MSI2: variants seen among roughly 807,000 people sequenced by gnomAD.
The protein encoded by MSI2 is RNA-binding protein Musashi homolog 2.
A neutral mutation model predicts 45.6 loss-of-function variants in MSI2; 17 were observed. That is an observed-to-expected ratio of 0.37 (90% CI 0.26 to 0.56). The LOEUF is 0.56. Ranked by LOEUF, MSI2 falls within the 20% of genes least tolerant of loss-of-function variation. The probability of loss-of-function intolerance (pLI) is 0.77; values close to 1 mark genes in which losing one functional copy is unlikely to be tolerated. For missense variants in MSI2, 293 were observed against 444.2 expected, an observed-to-expected ratio of 0.66 and a Z score of 3.06; for synonymous variants, 156 against 158.2, an observed-to-expected ratio of 0.99 and a Z score of 0.11.
intron 6 of MSI2, among the ~76,000 whole-genome samples, chr17:57,521,840 A>T (rs1432681034): frequency 6.6e-6 from 1 of 152,102 alleles, no homozygotes; most frequent in Non-Finnish European, 1.5e-5. Flanking sequence ...ACGGCTGAAA[A>T]ATCACTGATG....
chr17:57,685,449 A>G (rs1053225247), downstream of MSI2: 56 of 152,338 alleles, frequency 3.7e-4, no homozygotes, highest in African/African-American at 1.3e-3. Context: ...GGAAAGCTGT[A>G]TTCTCCAGGA....
At chr17:57,486,286 C>A (rs190171044) in intron 6 of MSI2, among the ~76,000 whole-genome samples, 1 of 152,232 alleles carries the variant, frequency 6.6e-6, no homozygotes, top group African/African-American at 2.4e-5. Context: ...TTACAAGGGG[C>A]TCTCTCCTAG....
intron 5 of MSI2, among the ~76,000 whole-genome samples, chr17:57,269,209 G>A (rs1481887226): frequency 6.6e-6 from 1 of 152,174 alleles, no homozygotes; most frequent in Non-Finnish European, 1.5e-5. Flanking sequence ...CAAAGGGTAT[G>A]TGCTGCAGAG....
chr17:57,502,636 T>TATATATATATATATCATAG lies in MSI2; in HGVS notation c.406-27039_406-27038insTATATATATATATCATAGA. On this transcript the variant is annotated intron_variant, in intron 6 of 13. Coordinates refer to ENST00000284073, the MANE Select transcript of MSI2 (RefSeq NM_138962.4). ...ATATATATATATATATATATATATA[T>TATATATATATATATCATAG]AGTCATCATTCTGTCATGCAGGAAG... 7.6e-4 allele frequency among the ~76,000 whole-genome samples: 74 copies of TATATATATATATATCATAG among 96,928 alleles called. 3 individuals are homozygous for TATATATATATATATCATAG. The highest frequency in any genetic ancestry group is 2.5e-3 in the African/African-American group (72 of 28,714). The allele number at this position is 96,928 out of a possible 152,430, so 63.6% of individuals were successfully genotyped here.
At chr17:57,295,992 CTTTTTTTTTTT>C (rs386386327) in intron 5 of MSI2, among the ~76,000 whole-genome samples, 14 of 38,652 alleles carry the variant, frequency 3.6e-4, no homozygotes, top group African/African-American at 8.8e-4. Context: ...CGCAGCCTTC[CTTTTTTTTTTT>C]TTTTTTTTTT....
At chr17:57,347,165 C>A (rs1021797524) in intron 5 of MSI2, among the ~76,000 whole-genome samples, 3 of 152,112 alleles carry the variant, frequency 2.0e-5, no homozygotes, top group African/African-American at 7.2e-5. Flanking sequence ...TTAGTTAATA[C>A]CCTTCCTCAC....
At chr17:57,412,039 C>T (rs2084207387) in intron 6 of MSI2, among the ~76,000 whole-genome samples, 1 of 151,828 alleles carries the variant, frequency 6.6e-6, no homozygotes, top group East Asian at 1.9e-4. Context: ...TACTATGGTA[C>T]CTCTTTGAGG....
At chr17:57,600,966 T>C (rs1048609214) in intron 8 of MSI2, 7 of 152,394 alleles carry the variant, frequency 4.6e-5, no homozygotes, top group African/African-American at 1.7e-4. Context: ...GGTCAGCAAA[T>C]GGCAGCCCCA....
At chr17:57,642,034 G>A (rs1214307972) in intron 10 of MSI2, among the ~76,000 whole-genome samples, 1 of 152,216 alleles carries the variant, frequency 6.6e-6, no homozygotes, top group East Asian at 1.9e-4. Flanking sequence ...GGCCAGCACT[G>A]CAGCAAAATG....
intron 7 of MSI2, among the ~76,000 whole-genome samples, chr17:57,535,648 C>T (rs17834539): frequency 0.049 from 7,399 of 152,290 alleles, 276 homozygotes; most frequent in Non-Finnish European, 0.075. Context: ...TGAGCCCCAG[C>T]GAGCACCATC....
At chr17:57,306,620 G>C (rs1300062928) in intron 5 of MSI2, among the ~76,000 whole-genome samples, 1 of 152,230 alleles carries the variant, frequency 6.6e-6, no homozygotes, top group South Asian at 2.1e-4. Context: ...CACCCCTCCT[G>C]TTCCCAGGAA....
chr17:57,521,712 G>A (rs1025801310), intron 6 of MSI2, among the ~76,000 whole-genome samples: 11 of 152,158 alleles, frequency 7.2e-5, no homozygotes, highest in African/African-American at 2.7e-4. Context: ...ATTTAGAACG[G>A]TGGGTCTCGG....
chr17:57,398,552 C>T (rs1033691202), intron 5 of MSI2, among the ~76,000 whole-genome samples: 2 of 152,170 alleles, frequency 1.3e-5, no homozygotes, highest in Admixed American at 6.5e-5. Flanking sequence ...TTCAAAGACA[C>T]GTTTTTGTGT....
chr17:57,436,949 T>G (rs543977704), intron 6 of MSI2, among the ~76,000 whole-genome samples: 1 of 152,308 alleles, frequency 6.6e-6, no homozygotes, highest in South Asian at 2.1e-4. Context: ...TGAGAAGTAC[T>G]TGACATTGGA....
intron 10 of MSI2, among the ~76,000 whole-genome samples, chr17:57,635,641 CGG>C (rs1354156871): frequency 5.4e-4 from 82 of 152,260 alleles, no homozygotes; most frequent in Non-Finnish European, 1.1e-3. Flanking sequence ...TGTGTGCAAA[CGG>C]CAGGGGCAGC....
At chr17:57,395,141 C>G (rs1401418166) in intron 5 of MSI2, among the ~76,000 whole-genome samples, 1 of 152,178 alleles carries the variant, frequency 6.6e-6, no homozygotes, top group Non-Finnish European at 1.5e-5. Flanking sequence ...CACATGGCCA[C>G]CTTCTTTCTG....
intron 5 of MSI2, among the ~76,000 whole-genome samples, chr17:57,386,456 T>G (rs1384251857): frequency 6.6e-6 from 1 of 152,160 alleles, no homozygotes; most frequent in Non-Finnish European, 1.5e-5. Flanking sequence ...CAGGGAACAT[T>G]CATCCAGCAT....
chr17:57,701,383 A>G, the MSI2 span, among the ~76,000 whole-genome samples: 1 of 152,324 alleles, frequency 6.6e-6, no homozygotes, highest in East Asian at 1.9e-4. Flanking sequence ...TGGAGCCCTC[A>G]TGAATAGGAA....
chr17:57,539,555 G>C (rs570129497), intron 7 of MSI2, among the ~76,000 whole-genome samples: 2 of 151,474 alleles, frequency 1.3e-5, no homozygotes, highest in Admixed American at 1.3e-4. Context: ...AGCCAGGAAC[G>C]GTGGCACGTG....
Sources: gnomAD v4.1 joint callset for allele counts (sites outside exome capture counted in the v4.1 genomes callset) on GRCh38, gnomAD v4.1.1 for gene constraint, MANE v1.5 for transcripts, NCBI Gene and HGNC (gene_info 2026-07-23, HGNC 2026-07-21) for gene names.